Variants in CTNNA2 observed in about 807,000 individuals in gnomAD.
The protein encoded by CTNNA2 is catenin alpha 2.
A neutral mutation model predicts 101.0 loss-of-function variants in CTNNA2; 42 were observed. The ratio of observed to expected loss-of-function variants is 0.42; its 90% CI spans 0.32 to 0.54. The LOEUF is 0.54. Ranked by LOEUF, CTNNA2 falls within the 20% of genes least tolerant of loss-of-function variation. CTNNA2 has a pLI of 0.14. For synonymous variants in CTNNA2, 450 were observed against 456.4 expected (o/e 0.99, Z 0.18); for missense variants, 871 against 1,223.1 (o/e 0.71, Z 4.29).
intron 7 of CTNNA2, among the ~76,000 whole-genome samples, chr2:80,108,179 C>T (rs1364807728): frequency 6.6e-6 from 1 of 152,106 alleles, no homozygotes; most frequent in African/African-American, 2.4e-5. Flanking sequence ...AGTGGAATAT[C>T]AAATAAGAGG....
rs566411194 is a variant in CTNNA2 at position 80,532,948 on chromosome 2, A to G, written c.1291-12034A>G. 1.9e-3 allele frequency among the ~76,000 whole-genome samples: 294 copies of G among 152,296 alleles called. 1 individual carries two copies. Among genetic ancestry groups the G allele is most frequent in the Non-Finnish European group, 3.0e-3 (205 of 68,016 alleles). ...CAGGAGGTAAGAAAGCACCCATGAC[A>G]GGGAGGCTGCCTTGGAACTACGTTT... On this transcript the variant is annotated intron_variant, in intron 9 of 18. Coordinates refer to ENST00000402739, the MANE Select transcript of CTNNA2 (RefSeq NM_001282597.3).
chr2:80,239,956 A>G (rs2149089273), intron 7 of CTNNA2, among the ~76,000 whole-genome samples: 1 of 152,242 alleles, frequency 6.6e-6, no homozygotes, highest in South Asian at 2.1e-4. Context: ...CAAAGTCATA[A>G]CAATATACTG....
intron 7 of CTNNA2, among the ~76,000 whole-genome samples, chr2:80,161,174 C>A (rs977662848): frequency 6.6e-6 from 1 of 152,108 alleles, no homozygotes; most frequent in Non-Finnish European, 1.5e-5. Flanking sequence ...TGCCACCACA[C>A]CCAGCTAATT....
chr2:79,931,074 G>C (rs1345109903), intron 7 of CTNNA2, among the ~76,000 whole-genome samples: 1 of 152,010 alleles, frequency 6.6e-6, no homozygotes, highest in African/African-American at 2.4e-5. Context: ...GAAATTTCAT[G>C]GGATAATTTT....
intron 2 of CTNNA2, among the ~76,000 whole-genome samples, chr2:79,740,529 A>G (rs1190070992): frequency 6.6e-6 from 1 of 152,180 alleles, no homozygotes; most frequent in Non-Finnish European, 1.5e-5. Context: ...CAGATATTAC[A>G]GGGCATTGCA....
At chr2:79,925,238 T>A (rs961501499) in intron 7 of CTNNA2, among the ~76,000 whole-genome samples, 12 of 152,278 alleles carry the variant, frequency 7.9e-5, no homozygotes, top group African/African-American at 2.9e-4. Flanking sequence ...TTTTACATAT[T>A]AGTCTTGAAC....
At chr2:79,523,786 G>C (rs1216180535) in intron 1 of CTNNA2, among the ~76,000 whole-genome samples, 1 of 152,064 alleles carries the variant, frequency 6.6e-6, no homozygotes, top group East Asian at 1.9e-4. Context: ...CAATGAATAG[G>C]TAAGAAGAAT....
chr2:79,476,947 A>G (rs1671056570), intron 4 of CTNNA2, among the ~76,000 whole-genome samples: 1 of 152,088 alleles, frequency 6.6e-6, no homozygotes, highest in Admixed American at 6.5e-5. Context: ...CTTTCTAAAG[A>G]TGCCTTTACT....
intron 2 of CTNNA2, among the ~76,000 whole-genome samples, chr2:79,291,656 T>C (rs1015944514): frequency 6.6e-6 from 1 of 152,198 alleles, no homozygotes; most frequent in African/African-American, 2.4e-5. Flanking sequence ...CTGTCTTTTG[T>C]CCCTAATTTC....
At chr2:80,206,188 C>G (rs569521749) in intron 7 of CTNNA2, among the ~76,000 whole-genome samples, 27 of 152,290 alleles carry the variant, frequency 1.8e-4, no homozygotes, top group South Asian at 4.1e-4. Context: ...TAGACCTGAA[C>G]TTTTCCGACC....
At chr2:80,001,700 C>T (rs1044652511) in intron 7 of CTNNA2, among the ~76,000 whole-genome samples, 2 of 152,096 alleles carry the variant, frequency 1.3e-5, no homozygotes, top group Admixed American at 1.3e-4. Context: ...CTTTGGGATC[C>T]TGATGTTGAG....
At chr2:79,326,850 C>T (rs1236139337) in intron 3 of CTNNA2, among the ~76,000 whole-genome samples, 1 of 152,118 alleles carries the variant, frequency 6.6e-6, no homozygotes, top group African/African-American at 2.4e-5. Context: ...ATCATGATCT[C>T]AAAGGCCTTC....
chr2:79,573,315 C>T (rs1045801035), intron 1 of CTNNA2, among the ~76,000 whole-genome samples: 10 of 152,170 alleles, frequency 6.6e-5, no homozygotes, highest in Admixed American at 5.2e-4. Context: ...GCTGACAACA[C>T]ATATCTTACT....
At chr2:79,383,003 A>T (rs1457065947) in intron 4 of CTNNA2, among the ~76,000 whole-genome samples, 3 of 152,240 alleles carry the variant, frequency 2.0e-5, no homozygotes, top group African/African-American at 7.2e-5. Context: ...AGATGAAAAG[A>T]AGAATAACAC....
At chr2:79,448,557 A>G (rs1427434434) in intron 4 of CTNNA2, among the ~76,000 whole-genome samples, 1 of 152,084 alleles carries the variant, frequency 6.6e-6, no homozygotes, top group Non-Finnish European at 1.5e-5. Context: ...TATGGCTCTG[A>G]AAACAGCTAC....
chr2:80,197,090 ATGT>A (rs368253073), intron 7 of CTNNA2, among the ~76,000 whole-genome samples: 23 of 152,238 alleles, frequency 1.5e-4, no homozygotes, highest in African/African-American at 5.1e-4. Flanking sequence ...CTCTGTGAAT[ATGT>A]TATTTCCTTG....
intron 9 of CTNNA2, among the ~76,000 whole-genome samples, chr2:80,534,660 C>T (rs558160444): frequency 6.6e-4 from 101 of 152,200 alleles, no homozygotes; most frequent in African/African-American, 2.0e-3. Context: ...GAAGGACATT[C>T]GGATGATATG....
chr2:79,937,388 C>A (rs562659163), intron 7 of CTNNA2, among the ~76,000 whole-genome samples: 1 of 152,298 alleles, frequency 6.6e-6, no homozygotes, highest in South Asian at 2.1e-4. Context: ...GTCTACGTGA[C>A]GTGGAAGACA....
At chr2:79,795,151 T>G (rs1335504165) in intron 3 of CTNNA2, among the ~76,000 whole-genome samples, 1 of 152,220 alleles carries the variant, frequency 6.6e-6, no homozygotes. Context: ...ACTTTAAATA[T>G]GACTATCCAG....
Sources: allele counts gnomAD v4.1 joint callset (sites outside exome capture counted in the v4.1 genomes callset), GRCh38; gene constraint gnomAD v4.1.1; transcripts MANE v1.5; gene names NCBI Gene and HGNC (gene_info 2026-07-23, HGNC 2026-07-21).